The following VPS13C variants were observed in gnomAD, a reference collection of about 807,000 sequenced individuals.
VPS13C encodes vacuolar protein sorting 13 homolog C.
VPS13C carries 358 observed loss-of-function variants against 456.8 expected under a neutral mutation model. The ratio of observed to expected loss-of-function variants is 0.78; its 90% CI spans 0.72 to 0.86. The LOEUF is 0.86. Among genes scored for constraint, VPS13C ranks in the 40% least tolerant of loss-of-function variants. VPS13C has a pLI of 0.00. For synonymous variants in VPS13C, 1,578 were observed against 1,486.7 expected (o/e 1.06, Z -1.41); for missense variants, 4,818 against 4,385.4 (o/e 1.10, Z -2.79).
At chr15:62,027,992 T>C (rs919830298) in intron 6 of VPS13C, among the ~76,000 whole-genome samples, 18 of 152,016 alleles carry the variant, frequency 1.2e-4, no homozygotes, top group South Asian at 4.1e-4. Flanking sequence ...ACCACCGCTA[T>C]CAGAGAGGAA....
Position 61,999,999 on chromosome 15 carries a change from T to C in VPS13C, c.1353+565A>G, listed in dbSNP as rs150961513. Among the ~76,000 whole-genome samples, 3 of 152,242 alleles carry C rather than the reference T, an allele frequency of 2.0e-5. No individual in the cohort carries two copies. In the East Asian group the frequency reaches 5.8e-4, roughly 29 times the overall value. On this transcript the variant is annotated intron_variant, in intron 16 of 84. Transcript: ENST00000644861. Reference sequence around the variant, plus strand: ...AGCCAAAATTATCACAGTAGTATTCTAAGTTGTCAGAATTATAGATGTCTT... The same window carrying C: ...AGCCAAAATTATCACAGTAGTATTCCAAGTTGTCAGAATTATAGATGTCTT...
chr15:62,022,895 T>G (rs2140578639), intron 8 of VPS13C, among the ~76,000 whole-genome samples: 1 of 152,052 alleles, frequency 6.6e-6, no homozygotes, highest in Admixed American at 6.6e-5. Flanking sequence ...TGTTACTCTT[T>G]TGGTTATGAG....
At chr15:61,933,399 G>T (rs1379008740) in intron 49 of VPS13C, among the ~76,000 whole-genome samples, 1 of 152,042 alleles carries the variant, frequency 6.6e-6, no homozygotes. Context: ...TGCATAATTT[G>T]TAGTAAATAA....
In VPS13C at chr15:61,881,786, G is replaced by A. The variant is rs777789558; in HGVS notation, c.9667C>T (p.His3223Tyr). 1.4e-4 allele frequency: 224 copies of A among 1,606,960 alleles called. No homozygotes were observed. Among genetic ancestry groups the A allele is most frequent in the Non-Finnish European group, 1.9e-4 (221 of 1,178,236 alleles). The change falls in exon 70 of 85, where the codon CAT (histidine) becomes TAT (tyrosine). Residue 3223 changes from histidine to tyrosine, a missense_variant. His to Tyr is a moderately conservative substitution (Grantham distance 83, BLOSUM62 2). This residue lies in a region of VPS13C where 4,552 missense variants were observed against 4,130.6 expected (regional missense o/e 1.10). Transcript: ENST00000644861. ...LPGAMFPVVF[H>Y]PVAPPKSIAL... Reference sequence around the variant, plus strand: ...ATAGATTTTGGAGGGGCAACAGGATGAAATACAACAGGGAACATTGCACCT... The same window carrying A: ...ATAGATTTTGGAGGGGCAACAGGATAAAATACAACAGGGAACATTGCACCT...
intron 9 of VPS13C, among the ~76,000 whole-genome samples, chr15:62,020,231 C>T (rs2047412410): frequency 6.6e-6 from 1 of 151,770 alleles, no homozygotes; most frequent in East Asian, 1.9e-4. Context: ...TAAGATACAG[C>T]TTTTATTTCT....
At chr15:61,882,197 C>T (rs1895905542) in intron 69 of VPS13C, among the ~76,000 whole-genome samples, 1 of 152,018 alleles carries the variant, frequency 6.6e-6, no homozygotes, top group Non-Finnish European at 1.5e-5. Flanking sequence ...GTAGCCTAAA[C>T]AGTACTTAAC....
At chr15:62,007,276 T>C in intron 15 of VPS13C, 32 bp downstream of exon 15, 1 of 1,431,842 alleles carries the variant, frequency 7.0e-7, no homozygotes, top group Non-Finnish European at 9.3e-7. Flanking sequence ...ATTAGACAAA[T>C]AATAGCTCTC....
chr15:61,888,937 A>T (rs539458561), intron 67 of VPS13C, among the ~76,000 whole-genome samples: 1 of 152,256 alleles, frequency 6.6e-6, no homozygotes, highest in Admixed American at 6.5e-5. Context: ...CTACTGCAAG[A>T]TGTTAGTAAT....
At chr15:61,890,495 A>G in intron 66 of VPS13C, 95 bp from the exon 67 acceptor site, 1 of 1,077,084 alleles carries the variant, frequency 9.3e-7, no homozygotes, top group East Asian at 2.6e-5. Context: ...AAAGTTTAAG[A>G]AGCACTACTA....
chr15:61,882,787 T>C (rs1200987786), intron 68 of VPS13C, 51 bp from the exon 69 acceptor site: 12 of 1,464,740 alleles, frequency 8.2e-6, no homozygotes, highest in Non-Finnish European at 9.9e-6. Flanking sequence ...GCACAGTAGC[T>C]ATTCCATTTT....
At chr15:62,014,120 T>A in intron 9 of VPS13C, 128 bp from the exon 10 acceptor site, 2 of 522,104 alleles carry the variant, frequency 3.8e-6, no homozygotes. Flanking sequence ...TAGTATTAGC[T>A]ATCTATTTCT....
At chr15:62,052,146 C>A (rs2048641487) in intron 1 of VPS13C, among the ~76,000 whole-genome samples, 1 of 152,080 alleles carries the variant, frequency 6.6e-6, no homozygotes, top group African/African-American at 2.4e-5. Context: ...AACAAAAATG[C>A]CATGCCATAA....
chr15:62,016,086 A>T (rs1276943708), intron 9 of VPS13C, among the ~76,000 whole-genome samples: 2 of 148,030 alleles, frequency 1.4e-5, no homozygotes, highest in Non-Finnish European at 3.0e-5. Flanking sequence ...ACTTCTCTAT[A>T]TGCCCACAAC....
At chr15:62,008,347 C>G (rs573243764) in intron 14 of VPS13C, among the ~76,000 whole-genome samples, 37 of 151,812 alleles carry the variant, frequency 2.4e-4, no homozygotes, top group Non-Finnish European at 1.5e-4. Flanking sequence ...TTGCAGTGAG[C>G]CAAGATCACA....
intron 45 of VPS13C, among the ~76,000 whole-genome samples, chr15:61,943,965 A>C (rs747950746): frequency 5.3e-5 from 8 of 151,920 alleles, no homozygotes; most frequent in Non-Finnish European, 1.0e-4. Context: ...AATCCCATTT[A>C]AAACTGGGCA....
At chr15:62,037,293 T>TACATTTA (rs2048063155) in intron 3 of VPS13C, among the ~76,000 whole-genome samples, 2 of 53,470 alleles carry the variant, frequency 3.7e-5, no homozygotes, top group African/African-American at 1.5e-4. Context: ...ATATATTATA[T>TACATTTA]TATATAATAT....
intron 9 of VPS13C, among the ~76,000 whole-genome samples, chr15:62,017,522 G>A (rs578062635): frequency 8.5e-5 from 13 of 152,248 alleles, no homozygotes; most frequent in South Asian, 4.1e-4. Context: ...AGTTTTCCCA[G>A]CACCATTTGT....
chr15:61,962,288 G>A (rs2140321611), intron 34 of VPS13C, 83 bp downstream of exon 34: 1 of 1,289,172 alleles, frequency 7.8e-7, no homozygotes, highest in Non-Finnish European at 1.1e-6. Flanking sequence ...TAAAATCCAA[G>A]GTTTATAACA....
chr15:62,053,754 T>C (rs1430057654), intron 1 of VPS13C, among the ~76,000 whole-genome samples: 4 of 152,186 alleles, frequency 2.6e-5, no homozygotes, highest in African/African-American at 9.7e-5. Context: ...CCCAGTCCAG[T>C]GTTCATTCTC....
Sources: allele counts gnomAD v4.1 joint callset (sites outside exome capture counted in the v4.1 genomes callset), GRCh38; gene constraint gnomAD v4.1.1; regional missense constraint gnomAD v4.1.1; transcripts MANE v1.5; gene names NCBI Gene and HGNC (gene_info 2026-07-23, HGNC 2026-07-21).